Variants in MECOM observed in about 807,000 individuals in gnomAD.
MECOM encodes the protein MDS1 and EVI1 complex locus.
A neutral mutation model predicts 116.3 loss-of-function variants in MECOM; 13 were observed. That is an observed-to-expected ratio of 0.11 (90% CI 0.07 to 0.18). The LOEUF (loss-of-function observed/expected upper bound fraction) is 0.18, where lower values mean the gene tolerates loss of function less well. Ranked by LOEUF, MECOM falls within the 10% of genes least tolerant of loss-of-function variation. MECOM has a pLI of 1.00. For missense variants in MECOM, 1,299 were observed against 1,509.0 expected, an observed-to-expected ratio of 0.86 and a Z score of 2.31; for synonymous variants, 528 against 535.2, an observed-to-expected ratio of 0.99 and a Z score of 0.19.
chr3:169,562,364 G>T (rs764601663), intron 1 of MECOM, among the ~76,000 whole-genome samples: 1 of 151,720 alleles, frequency 6.6e-6, no homozygotes, highest in Admixed American at 6.6e-5. Flanking sequence ...AAAGTCGTTT[G>T]CAGTCTCTCC....
intron 1 of MECOM, among the ~76,000 whole-genome samples, chr3:169,459,115 G>A (rs1578158064): frequency 6.6e-6 from 1 of 152,308 alleles, no homozygotes; most frequent in African/African-American, 2.4e-5. Context: ...GGAAATCCAA[G>A]TGCTCATTTC....
intron 1 of MECOM, among the ~76,000 whole-genome samples, chr3:169,598,693 A>T (rs969656110): frequency 6.6e-6 from 1 of 152,336 alleles, no homozygotes; most frequent in African/African-American, 2.4e-5. Context: ...TATAGTGAGC[A>T]ATTTGCACCG....
rs1001340366 is a variant in MECOM, at chr3:169,506,813, A to C, written c.38-125289T>G. 2.0e-5 allele frequency among the ~76,000 whole-genome samples: 3 copies of C among 152,302 alleles called. No homozygotes were observed. The South Asian group carries it at 6.2e-4, about 32-fold the overall frequency. On this transcript the variant is annotated intron_variant, in intron 1 of 16. Transcript: ENST00000651503. Reference sequence around the variant, plus strand: ...TTAGTTAAGAAGGCTCCCAAGGTTAAGTAGAGTTACTTGGTCCCAATTTGG... The same window carrying C: ...TTAGTTAAGAAGGCTCCCAAGGTTACGTAGAGTTACTTGGTCCCAATTTGG...
chr3:169,428,351 A>G (rs1419413544), intron 1 of MECOM, among the ~76,000 whole-genome samples: 1 of 152,194 alleles, frequency 6.6e-6, no homozygotes, highest in African/African-American at 2.4e-5. Context: ...ATCATCAGGC[A>G]TTAGATTCTC....
chr3:169,559,601 C>A (rs1367311801), intron 1 of MECOM, among the ~76,000 whole-genome samples: 1 of 152,090 alleles, frequency 6.6e-6, no homozygotes, highest in Non-Finnish European at 1.5e-5. Flanking sequence ...ATATATCTGC[C>A]ACTTTTATGC....
intron 1 of MECOM, among the ~76,000 whole-genome samples, chr3:169,543,534 G>T (rs1046044583): frequency 2.0e-5 from 3 of 152,138 alleles, no homozygotes; most frequent in Non-Finnish European, 4.4e-5. Context: ...CTCCAGCCTG[G>T]GTGACACTTG....
chr3:169,311,919 C>T lies in MECOM; in HGVS notation c.375+69268G>A, dbSNP rs142571378. ...TGTTCACATTTTAAAAAATAATAAC[C>T]CAAAGGCCTAGATGTAGGGACTATT... On this transcript the variant is annotated intron_variant, in intron 2 of 16. Coordinates refer to ENST00000651503, the MANE Select transcript of MECOM (RefSeq NM_004991.4). Among the ~76,000 whole-genome samples, 105 of 152,200 alleles carry T rather than the reference C, an allele frequency of 6.9e-4. No homozygotes were observed. The East Asian group carries it at 0.019, about 27-fold the overall frequency.
intron 2 of MECOM, among the ~76,000 whole-genome samples, chr3:169,166,452 T>A (rs1253877489): frequency 1.3e-5 from 2 of 152,228 alleles, no homozygotes; most frequent in African/African-American, 2.4e-5. Context: ...TTAATATTTT[T>A]AAATTATTTT....
rs561137449 is a variant in MECOM at position 169,287,724 on chromosome 3, C to T, written c.375+93463G>A. On this transcript the variant is annotated intron_variant, in intron 2 of 16. Coordinates refer to ENST00000651503, the MANE Select transcript of MECOM (RefSeq NM_004991.4). ...ATTGTTGTATCCTTAAAAGTGAGGC[C>T]GTAAAAAAATTGTCAATAAATATGC... 2.0e-3 allele frequency among the ~76,000 whole-genome samples: 300 copies of T among 151,674 alleles called. 1 individual carries two copies. The highest frequency in any genetic ancestry group is 7.1e-3 in the African/African-American group (292 of 41,368).
chr3:169,534,875 T>C (rs1263117788), intron 1 of MECOM, among the ~76,000 whole-genome samples: 2 of 152,220 alleles, frequency 1.3e-5, no homozygotes, highest in African/African-American at 4.8e-5. Flanking sequence ...GAATCTGTGC[T>C]CTGAACCTGC....
intron 1 of MECOM, among the ~76,000 whole-genome samples, chr3:169,399,209 C>A (rs1735483067): frequency 6.6e-6 from 1 of 152,090 alleles, no homozygotes; most frequent in Non-Finnish European, 1.5e-5. Context: ...TGCTCAAATT[C>A]AAATTGAACC....
At chr3:169,347,285 T>C (rs929667612) in intron 2 of MECOM, among the ~76,000 whole-genome samples, 3 of 152,002 alleles carry the variant, frequency 2.0e-5, no homozygotes, top group Non-Finnish European at 2.9e-5. Flanking sequence ...ATTAAATAAA[T>C]ATTTAAAAGA....
intron 9 of MECOM, 146 bp downstream of exon 9, chr3:169,112,641 A>T: frequency 1.5e-6 from 1 of 656,210 alleles, no homozygotes; most frequent in Non-Finnish European, 2.6e-6. Flanking sequence ...TTTGGGTTTT[A>T]ATTCTGCTAG....
In MECOM at chr3:169,100,970, G is replaced by A. The variant is rs756950116; in HGVS notation, c.2772-8C>T. 3.1e-6 allele frequency: 5 copies of A among 1,604,198 alleles called. No homozygotes were observed. The Admixed American group carries it at 8.4e-5, about 27-fold the overall frequency. On this transcript the variant is annotated splice_polypyrimidine_tract_variant and splice_region_variant and intron_variant, in intron 11 of 16. Coordinates refer to ENST00000651503, the MANE Select transcript of MECOM (RefSeq NM_004991.4). ...AAAATCTTGCCACAGTATCTGTTAT[G>A]AAAAGATGTTTATAAGAGAAAGTCA...
At chr3:169,333,111 G>C (rs1178233944) in intron 2 of MECOM, among the ~76,000 whole-genome samples, 2 of 152,180 alleles carry the variant, frequency 1.3e-5, no homozygotes, top group Middle Eastern at 3.4e-3. Context: ...AACATGTTCA[G>C]AAGAATATAA....
At chr3:169,536,463 T>C (rs955130382) in intron 1 of MECOM, among the ~76,000 whole-genome samples, 1 of 150,148 alleles carries the variant, frequency 6.7e-6, no homozygotes, top group Non-Finnish European at 1.5e-5. Context: ...CAGCAGACCC[T>C]GAATAGTACA....
chr3:169,592,373 C>A (rs1164523782), intron 1 of MECOM, among the ~76,000 whole-genome samples: 1 of 152,190 alleles, frequency 6.6e-6, no homozygotes, highest in Non-Finnish European at 1.5e-5. Flanking sequence ...CCAACTGCAG[C>A]CTACTTGGCC....
In MECOM at chr3:169,084,885, C is replaced by A; in HGVS notation, c.*24G>T. The A allele has an allele frequency of 2.5e-6, 4 of 1,613,594 alleles. No homozygotes were observed. The highest frequency in any genetic ancestry group is 3.4e-6 in the Non-Finnish European group (4 of 1,179,784). ...AGCCATGCTACTGTTGGACTTGGTC[C>A]CACTCTGGTCAACCTTGATAACGTC... On this transcript the variant is annotated 3_prime_UTR_variant, in exon 17 of 17. Coordinates refer to ENST00000651503, the MANE Select transcript of MECOM (RefSeq NM_004991.4).
chr3:169,289,902 T>A (rs926002161), intron 2 of MECOM, among the ~76,000 whole-genome samples: 1 of 152,188 alleles, frequency 6.6e-6, no homozygotes, highest in African/African-American at 2.4e-5. Flanking sequence ...GTCATCAGAT[T>A]GAAGCATAAT....
Sources: allele counts gnomAD v4.1 joint callset (sites outside exome capture counted in the v4.1 genomes callset), GRCh38; gene constraint gnomAD v4.1.1; transcripts MANE v1.5; gene names NCBI Gene and HGNC (gene_info 2026-07-23, HGNC 2026-07-21).